The following ATP10B variants were observed in gnomAD, a reference collection of about 807,000 sequenced individuals.
ATP10B encodes ATPase phospholipid transporting 10B (putative).
ATP10B carries 122 observed loss-of-function variants against 141.2 expected under a neutral mutation model. The observed-to-expected ratio is 0.86, with a 90% CI of 0.75 to 1.00. The LOEUF is 1.00. Among genes scored for constraint, ATP10B ranks in the 50% least tolerant of loss-of-function variants. ATP10B has a pLI of 0.00. For synonymous variants in ATP10B, 685 were observed against 692.0 expected, an observed-to-expected ratio of 0.99 and a Z score of 0.16; for missense variants, 1,876 against 1,825.3, an observed-to-expected ratio of 1.03 and a Z score of -0.51.
chr5:160,917,942 C>T, the ATP10B span, among the ~76,000 whole-genome samples: 15 of 152,206 alleles, frequency 9.9e-5, no homozygotes, highest in African/African-American at 3.6e-4. Flanking sequence ...GGACCAGCAG[C>T]CACAGCTCTT....
chr5:160,871,883 T>G, the ATP10B span, among the ~76,000 whole-genome samples: 1 of 152,184 alleles, frequency 6.6e-6, no homozygotes, highest in Admixed American at 6.5e-5. Flanking sequence ...TTTGGTATAA[T>G]GACTTATTTT....
intron 13 of ATP10B, 46 bp from the exon 14 acceptor site, chr5:160,622,631 C>T (rs991405102): frequency 2.6e-5 from 40 of 1,541,992 alleles, no homozygotes; most frequent in Non-Finnish European, 3.4e-5. Flanking sequence ...GGAAGGAAGC[C>T]CACTCCAGAA....
intron 3 of ATP10B, among the ~76,000 whole-genome samples, chr5:160,705,727 G>T (rs1764976469): frequency 6.6e-6 from 1 of 152,116 alleles, no homozygotes; most frequent in Non-Finnish European, 1.5e-5. Context: ...AGGCTGTTTT[G>T]CTTTCTTACC....
chr5:160,700,721 C>T (rs1202066953), intron 3 of ATP10B, among the ~76,000 whole-genome samples: 1 of 152,074 alleles, frequency 6.6e-6, no homozygotes, highest in Non-Finnish European at 1.5e-5. Context: ...TAACAGAGTT[C>T]TCAAAAGGTC....
At chr5:160,650,599 G>A (rs528614563) in intron 7 of ATP10B, among the ~76,000 whole-genome samples, 2 of 152,282 alleles carry the variant, frequency 1.3e-5, no homozygotes, top group East Asian at 3.9e-4. Context: ...ACAAGATAAA[G>A]TAATCACCTC....
chr5:160,674,263 C>T (rs1762894809), intron 6 of ATP10B, among the ~76,000 whole-genome samples: 1 of 152,218 alleles, frequency 6.6e-6, no homozygotes, highest in South Asian at 2.1e-4. Context: ...CCCATGAACA[C>T]TGAATCTCAT....
At chr5:160,815,559 T>C (rs1214374116) in intron 1 of ATP10B, among the ~76,000 whole-genome samples, 1 of 136,312 alleles carries the variant, frequency 7.3e-6, no homozygotes, top group Non-Finnish European at 1.7e-5. Context: ...TCCCACACAA[T>C]AATAATACGA....
chr5:160,803,166 G>GT (rs1328140189), intron 1 of ATP10B, among the ~76,000 whole-genome samples: 6 of 152,094 alleles, frequency 3.9e-5, no homozygotes, highest in African/African-American at 4.8e-5. Context: ...CTAAACCTCA[G>GT]TTTTTTTCCT....
the ATP10B span, among the ~76,000 whole-genome samples, chr5:160,909,719 T>C: frequency 1.3e-5 from 2 of 152,242 alleles, no homozygotes; most frequent in African/African-American, 4.8e-5. Context: ...TTTTCTCTTG[T>C]TTATAAAGCA....
At chr5:160,774,942 C>A (rs1407196730) in intron 2 of ATP10B, among the ~76,000 whole-genome samples, 2 of 152,146 alleles carry the variant, frequency 1.3e-5, no homozygotes, top group Non-Finnish European at 2.9e-5. Flanking sequence ...ATAAAGCCAG[C>A]AAATGGGGAA....
chr5:160,798,251 A>T (rs1367349014), intron 1 of ATP10B, among the ~76,000 whole-genome samples: 1 of 152,134 alleles, frequency 6.6e-6, no homozygotes, highest in Non-Finnish European at 1.5e-5. Flanking sequence ...GAAGTTGGGG[A>T]AGGGAAGGGG....
intron 3 of ATP10B, among the ~76,000 whole-genome samples, chr5:160,696,625 G>T (rs1282622231): frequency 2.6e-5 from 4 of 152,130 alleles, no homozygotes; most frequent in Non-Finnish European, 5.9e-5. Flanking sequence ...CACCCAGAAA[G>T]GATCAGTCAT....
intron 6 of ATP10B, among the ~76,000 whole-genome samples, chr5:160,673,575 TCCC>T (rs1561736525): frequency 6.6e-6 from 1 of 151,146 alleles, no homozygotes; most frequent in Non-Finnish European, 1.5e-5. Flanking sequence ...CATCCCCATC[TCCC>T]CCCAACCCTC....
intron 13 of ATP10B, among the ~76,000 whole-genome samples, chr5:160,622,918 T>C (rs1432932703): frequency 6.6e-6 from 1 of 152,170 alleles, no homozygotes; most frequent in East Asian, 1.9e-4. Context: ...TCTCACCTTT[T>C]TTTTTCTAAT....
At position 160,685,299 on chromosome 5, in the gene ATP10B, C is replaced by T; in HGVS notation, c.470+780G>A. The T allele has an allele frequency of 5.2e-6, 3 of 578,970 alleles. No homozygotes were observed. In the South Asian group the frequency reaches 6.8e-5, roughly 13 times the overall value. The allele number at this position is 578,970 out of a possible 1,614,324, so 35.9% of individuals were successfully genotyped here. On this transcript the variant is annotated intron_variant, in intron 6 of 25. Transcript: ENST00000327245. ...TGCCTTCTTTGCTGAAAATTTTTCT[C>T]TCTTCTTTCAGAAGGATACTAAAAA...
chr5:160,718,935 C>A (rs141193016), intron 2 of ATP10B, among the ~76,000 whole-genome samples: 1 of 152,070 alleles, frequency 6.6e-6, no homozygotes, highest in Non-Finnish European at 1.5e-5. Flanking sequence ...GCCACTGTCC[C>A]GGCACATAGC....
At chr5:160,685,684 C>T (rs1236819989) in intron 6 of ATP10B, among the ~76,000 whole-genome samples, 1 of 152,176 alleles carries the variant, frequency 6.6e-6, no homozygotes, top group Non-Finnish European at 1.5e-5. Context: ...AATTCTTAAG[C>T]TTTCAACTCA....
intron 3 of ATP10B, among the ~76,000 whole-genome samples, chr5:160,715,271 C>T (rs1181009638): frequency 3.7e-4 from 47 of 127,472 alleles, no homozygotes; most frequent in African/African-American, 1.3e-3. Flanking sequence ...AGCGAGATTC[C>T]GTGGGCGTAG....
intron 1 of ATP10B, among the ~76,000 whole-genome samples, chr5:160,798,564 A>G (rs1242221554): frequency 5.3e-5 from 8 of 152,038 alleles, no homozygotes; most frequent in Admixed American, 5.2e-4. Context: ...AGCAGCAAGA[A>G]AGGCTCCTCT....
Sources: allele counts gnomAD v4.1 joint callset (sites outside exome capture counted in the v4.1 genomes callset), GRCh38; gene constraint gnomAD v4.1.1; transcripts MANE v1.5; gene names NCBI Gene and HGNC (gene_info 2026-07-23, HGNC 2026-07-21).